RBM27: variants seen among roughly 807,000 people sequenced by gnomAD.
RBM27 encodes the protein RNA binding motif protein 27.
RBM27 carries 22 observed loss-of-function variants against 135.3 expected under a neutral mutation model. The ratio of observed to expected loss-of-function variants is 0.16; its 90% CI spans 0.12 to 0.23. The LOEUF is 0.23. RBM27 is among the 10% of genes least tolerant of loss of function. The pLI, the probability that RBM27 is intolerant of heterozygous loss-of-function variation, is 1.00. For synonymous variants in RBM27, 481 were observed against 442.4 expected, an observed-to-expected ratio of 1.09 and a Z score of -1.10; for missense variants, 1,009 against 1,281.0, an observed-to-expected ratio of 0.79 and a Z score of 3.24.
intron 3 of RBM27, among the ~76,000 whole-genome samples, chr5:146,225,858 C>T (rs1368676750): frequency 2.0e-5 from 3 of 151,894 alleles, no homozygotes; most frequent in Non-Finnish European, 4.4e-5. Flanking sequence ...GCCACAGCAG[C>T]TGGCCACCTT....
intron 5 of RBM27, among the ~76,000 whole-genome samples, 169 bp from the exon 6 acceptor site, chr5:146,230,488 A>G (rs1756879859): frequency 6.6e-6 from 1 of 152,198 alleles, no homozygotes; most frequent in South Asian, 2.1e-4. Flanking sequence ...TCACTTGTTG[A>G]TGTCCCTGCT....
chr5:146,281,553 G>GA (rs951765079), intron 19 of RBM27, among the ~76,000 whole-genome samples: 96 of 151,304 alleles, frequency 6.3e-4, no homozygotes, highest in African/African-American at 1.4e-3. Flanking sequence ...TGATGAACAG[G>GA]AAAAAAAAAT....
At chr5:146,249,683 C>G (rs1415172990) in intron 8 of RBM27, among the ~76,000 whole-genome samples, 1 of 37,198 alleles carries the variant, frequency 2.7e-5, no homozygotes, top group Non-Finnish European at 5.7e-5. Context: ...GTGAGACTCT[C>G]AAAAAAAAAA....
Position 146,263,630 on chromosome 5 carries a change from A to G in RBM27, c.2330A>G (p.Gln777Arg), listed in dbSNP as rs757264852. Residue 777 changes from glutamine to arginine, a missense_variant and splice_region_variant, in exon 14 of 21, where the codon CAG becomes CGG. Gln to Arg is a conservative substitution (Grantham distance 43). Around this residue, in one of 6 missense-constraint regions of RBM27, gnomAD observed 355 missense variants for 427.3 expected, o/e 0.83. Transcript: ENST00000265271. ...NQSGGAGEDC[Q>R]IFSTPGHPKM... ...TCTGGTGGTGCTGGAGAAGATTGCC[A>G]GGTATGCATTTTTGGGAGCTTCAGA... 3 of 1,613,134 alleles carry G rather than the reference A, an allele frequency of 1.9e-6. No individual in the cohort carries two copies. Among genetic ancestry groups the G allele is most frequent in the Non-Finnish European group, 2.5e-6 (3 of 1,179,784 alleles).
chr5:146,286,041 T>C lies in RBM27; in HGVS notation c.*11T>C. The stretch of plus-strand genomic sequence containing the variant: ...TCATGGCGAAGATGAAATCTGATGC[T>C]AGCTGTATAATTTTTAGGAATATTG... On this transcript the variant is annotated 3_prime_UTR_variant, in exon 21 of 21. Transcript: ENST00000265271. 2 of 1,588,092 alleles carry C rather than the reference T, an allele frequency of 1.3e-6. No individual in the cohort carries two copies. The highest frequency in any genetic ancestry group is 8.6e-7 in the Non-Finnish European group (1 of 1,167,428).
At chr5:146,263,412 A>T in intron 13 of RBM27, 79 bp from the exon 14 acceptor site, 1 of 1,395,182 alleles carries the variant, frequency 7.2e-7, no homozygotes, top group Non-Finnish European at 9.9e-7. Context: ...TCTTCCCTAG[A>T]GTAATCATCT....
intron 1 of RBM27, among the ~76,000 whole-genome samples, chr5:146,210,601 T>TCTAGTGATGCTTTAATC (rs1364907829): frequency 6.6e-6 from 1 of 152,106 alleles, no homozygotes; most frequent in Non-Finnish European, 1.5e-5. Flanking sequence ...AGACTCCAAG[T>TCTAGTGATGCTTTAATC]TTGCTGATGC....
At chr5:146,220,427 A>G (rs1756396681) in intron 2 of RBM27, among the ~76,000 whole-genome samples, 2 of 150,160 alleles carry the variant, frequency 1.3e-5, no homozygotes, top group Non-Finnish European at 3.0e-5. Context: ...GTGAGCCAAG[A>G]TCGCGCCACT....
chr5:146,268,040 C>T (rs1000455870), intron 15 of RBM27, among the ~76,000 whole-genome samples: 11 of 151,914 alleles, frequency 7.2e-5, no homozygotes, highest in African/African-American at 2.2e-4. Context: ...GATAATGATT[C>T]ATATAAAATA....
intron 19 of RBM27, among the ~76,000 whole-genome samples, chr5:146,280,759 C>T (rs903291351): frequency 2.6e-5 from 4 of 152,178 alleles, no homozygotes; most frequent in Non-Finnish European, 5.9e-5. Flanking sequence ...CTCATGAGCC[C>T]GTTTTCAGCT....
intron 14 of RBM27, among the ~76,000 whole-genome samples, chr5:146,265,567 A>G (rs1480805532): frequency 6.6e-6 from 1 of 152,240 alleles, no homozygotes; most frequent in African/African-American, 2.4e-5. Flanking sequence ...GTAAAATTAA[A>G]TGAAATAGAA....
chr5:146,271,123 G>T lies in RBM27; in HGVS notation c.2796+65G>T, dbSNP rs187100322. On this transcript the variant is annotated intron_variant, in intron 18 of 20. Transcript: ENST00000265271. ...GTCTCAAAAAAGTTTTCCTTTGACC[G>T]GGCGCGGTGGCTCACGCCTGTAATC... is the stretch of plus-strand genomic sequence containing the variant. The T allele has an allele frequency of 8.1e-6, 10 of 1,234,134 alleles. No homozygotes were observed. The East Asian group carries it at 1.2e-4, about 15-fold the overall frequency. The allele number at this position is 1,234,134 out of a possible 1,614,324, so 76.4% of individuals were successfully genotyped here.
Position 146,269,271 on chromosome 5 carries a change from A to G in RBM27, c.2516A>G (p.Glu839Gly), listed in dbSNP as rs1376984739. The change falls in exon 16 of 21, where the codon GAA becomes GGA. Residue 839 changes from glutamate (E) to glycine (G), a missense_variant. Around this residue, in one of 6 missense-constraint regions of RBM27, gnomAD observed 355 missense variants for 427.3 expected, o/e 0.83. Coordinates refer to ENST00000265271, the MANE Select transcript of RBM27 (RefSeq NM_018989.2). ...KRQEVLEKQI[E>G]CQKMLISKLE... is the part of the protein sequence containing the mutation. ...CAGGAAGTGTTAGAAAAGCAAATAG[A>G]ATGCCAAAAGGTAAGACAAGAGCTC... 3 of 1,607,462 alleles carry G rather than the reference A, an allele frequency of 1.9e-6. No homozygotes were observed. The African/African-American group carries it at 4.0e-5, about 22-fold the overall frequency.
At chr5:146,247,411 C>G (rs919650988) in intron 8 of RBM27, among the ~76,000 whole-genome samples, 1 of 152,160 alleles carries the variant, frequency 6.6e-6, no homozygotes, top group Non-Finnish European at 1.5e-5. Flanking sequence ...TCATATTTCT[C>G]AATTGTATCA....
intron 14 of RBM27, among the ~76,000 whole-genome samples, chr5:146,266,177 C>G (rs1007331508): frequency 4.6e-5 from 7 of 151,710 alleles, no homozygotes; most frequent in Non-Finnish European, 1.0e-4. Context: ...AAGAGAAAAA[C>G]AAATCTGATC....
chr5:146,255,217 T>G, intron 10 of RBM27, 125 bp downstream of exon 10: 1 of 758,878 alleles, frequency 1.3e-6, no homozygotes. Context: ...ATTATCTCTT[T>G]GGAGGGTGCT....
At chr5:146,227,698 C>G (rs995967004) in intron 3 of RBM27, among the ~76,000 whole-genome samples, 8 of 152,108 alleles carry the variant, frequency 5.3e-5, no homozygotes, top group African/African-American at 1.9e-4. Flanking sequence ...GAGATAGCGC[C>G]ACTGCACTCC....
intron 8 of RBM27, among the ~76,000 whole-genome samples, chr5:146,239,971 G>C (rs1331118581): frequency 2.0e-5 from 3 of 151,904 alleles, no homozygotes; most frequent in African/African-American, 7.3e-5. Context: ...TAGAGACGGA[G>C]TCTCACTATG....
intron 8 of RBM27, among the ~76,000 whole-genome samples, chr5:146,240,290 TTCTATCTG>T (rs1250575189): frequency 3.9e-4 from 57 of 146,480 alleles, no homozygotes; most frequent in Non-Finnish European, 7.3e-4. Context: ...GATTGCTGTT[TTCTATCTG>T]TCTGTCTGTC....
Sources: allele counts gnomAD v4.1 joint callset (sites outside exome capture counted in the v4.1 genomes callset), GRCh38; gene constraint gnomAD v4.1.1; regional missense constraint gnomAD v4.1.1; transcripts MANE v1.5; gene names NCBI Gene and HGNC (gene_info 2026-07-23, HGNC 2026-07-21).